RPSA2: variants seen among roughly 807,000 people sequenced by gnomAD.
RPSA2 encodes small ribosomal subunit protein uS2B.
chr19:23,778,995 CTTTTTTTT>C, the RPSA2 span, among the ~76,000 whole-genome samples: 13 of 80,696 alleles, frequency 1.6e-4, no homozygotes, highest in South Asian at 5.2e-4. Context: ...TTTTGTGACA[CTTTTTTTT>C]TTTTTTTTTT....
chr19:23,804,564 T>C, the RPSA2 span, among the ~76,000 whole-genome samples: 1 of 151,880 alleles, frequency 6.6e-6, no homozygotes, highest in Non-Finnish European at 1.5e-5. Flanking sequence ...CAAAGTGCTG[T>C]GATTACAGGC....
At chr19:23,862,362 C>A in the RPSA2 span, among the ~76,000 whole-genome samples, 17,790 of 151,124 alleles carry the variant, frequency 0.12, 1,110 homozygotes, top group East Asian at 0.22. Context: ...AATTGAATAC[C>A]CTTTATTTCC....
chr19:23,781,363 A>C, the RPSA2 span, among the ~76,000 whole-genome samples: 77,357 of 151,798 alleles, frequency 0.51, 20,257 homozygotes, highest in South Asian at 0.62. Context: ...TTTGAGATGG[A>C]GTTTCGCTCT....
At chr19:23,783,973 T>C in the RPSA2 span, among the ~76,000 whole-genome samples, 1 of 152,268 alleles carries the variant, frequency 6.6e-6, no homozygotes, top group African/African-American at 2.4e-5. Flanking sequence ...TTCTGCCTGG[T>C]GCATGCTCTC....
At chr19:23,844,151 A>G in the RPSA2 span, among the ~76,000 whole-genome samples, 1 of 152,322 alleles carries the variant, frequency 6.6e-6, no homozygotes, top group South Asian at 2.1e-4. Flanking sequence ...TGTGGGGGCT[A>G]TTTAGCACTT....
At chr19:23,851,620 A>G in the RPSA2 span, among the ~76,000 whole-genome samples, 2 of 152,180 alleles carry the variant, frequency 1.3e-5, no homozygotes. Context: ...AGGTTTGGGG[A>G]AACCCTGTAA....
the RPSA2 span, among the ~76,000 whole-genome samples, chr19:23,799,785 T>G: frequency 2.6e-5 from 4 of 152,092 alleles, no homozygotes; most frequent in African/African-American, 9.7e-5. Flanking sequence ...TGCAGAACTA[T>G]CTTGTCAGGA....
At chr19:23,836,796 G>C in the RPSA2 span, among the ~76,000 whole-genome samples, 1 of 151,962 alleles carries the variant, frequency 6.6e-6, no homozygotes, top group South Asian at 2.1e-4. Context: ...TAATATGTTT[G>C]TTGGCCATTT....
At chr19:23,759,522 G>GGTTTTTTT in the RPSA2 span, among the ~76,000 whole-genome samples, 1 of 89,034 alleles carries the variant, frequency 1.1e-5, no homozygotes, top group Non-Finnish European at 2.0e-5. Context: ...TATATATCAG[G>GGTTTTTTT]TTTTTTTTTT....
At chr19:23,827,110 C>G in the RPSA2 span, 1 of 751,724 alleles carries the variant, frequency 1.3e-6, no homozygotes, top group African/African-American at 1.7e-5. Flanking sequence ...GCAGAGGGGT[C>G]CATACGGCGT....
the RPSA2 span, among the ~76,000 whole-genome samples, chr19:23,830,387 C>T: frequency 7.2e-5 from 11 of 152,122 alleles, no homozygotes; most frequent in South Asian, 2.1e-4. Flanking sequence ...TCAGGTGATC[C>T]GTCCACCTCT....
At chr19:23,811,498 G>T in the RPSA2 span, among the ~76,000 whole-genome samples, 2 of 140,796 alleles carry the variant, frequency 1.4e-5, no homozygotes, top group Non-Finnish European at 3.0e-5. Context: ...GCTGTCAGGG[G>T]ATAAGCAAAT....
the RPSA2 span, among the ~76,000 whole-genome samples, chr19:23,850,864 T>A: frequency 6.6e-6 from 1 of 152,154 alleles, no homozygotes; most frequent in Non-Finnish European, 1.5e-5. Context: ...GTTAAATTAT[T>A]CTTTTGTTGT....
At chr19:23,766,486 C>CTG in the RPSA2 span, among the ~76,000 whole-genome samples, 2 of 137,896 alleles carry the variant, frequency 1.5e-5, no homozygotes, top group African/African-American at 2.7e-5. Flanking sequence ...GAGTCTTGCT[C>CTG]TGTCACCCAG....
At chr19:23,854,275 G>T in the RPSA2 span, among the ~76,000 whole-genome samples, 1 of 152,150 alleles carries the variant, frequency 6.6e-6, no homozygotes, top group African/African-American at 2.4e-5. Flanking sequence ...GAGGTAAAGG[G>T]CCAGTGACCC....
chr19:23,829,492 G>A, the RPSA2 span, among the ~76,000 whole-genome samples: 1 of 152,176 alleles, frequency 6.6e-6, no homozygotes, highest in African/African-American at 2.4e-5. Context: ...GTAGATATGA[G>A]GTTTCTCCAT....
the RPSA2 span, among the ~76,000 whole-genome samples, chr19:23,783,954 A>G: frequency 1.3e-5 from 2 of 152,112 alleles, no homozygotes; most frequent in African/African-American, 4.8e-5. Context: ...GAACCCTGTG[A>G]TGTGACTCTT....
the RPSA2 span, among the ~76,000 whole-genome samples, chr19:23,837,459 CG>C: frequency 6.7e-6 from 1 of 149,224 alleles, no homozygotes; most frequent in Non-Finnish European, 1.5e-5. Context: ...ATATGGGCTT[CG>C]TATGATTTTT....
chr19:23,767,980 T>G, the RPSA2 span, among the ~76,000 whole-genome samples: 2 of 151,986 alleles, frequency 1.3e-5, no homozygotes, highest in Admixed American at 6.6e-5. Context: ...TTGGCCAGGC[T>G]GGTCTGGAAC....
Sources: gnomAD v4.1 joint callset for allele counts (sites outside exome capture counted in the v4.1 genomes callset) on GRCh38, gnomAD v4.1.1 for gene constraint, MANE v1.5 for transcripts, NCBI Gene and HGNC (gene_info 2026-07-23, HGNC 2026-07-21) for gene names.